Variants in PCDHGB3 observed in about 807,000 individuals in gnomAD.
PCDHGB3 encodes protocadherin gamma subfamily B, 3.
Under a neutral mutation model 59.2 loss-of-function variants are expected in PCDHGB3, and 40 were observed. The observed-to-expected ratio is 0.68, with a 90% confidence interval of 0.52 to 0.88. PCDHGB3 has a LOEUF of 0.88. Among genes scored for constraint, PCDHGB3 ranks in the 40% least tolerant of loss-of-function variants. The pLI is 0.00. For missense variants in PCDHGB3, 1,309 were observed against 1,187.9 expected (o/e 1.10, Z -1.50); for synonymous variants, 581 against 503.6 (o/e 1.15, Z -2.06).
chr5:141,383,038 G>C, intron 1 of PCDHGB3: 1 of 1,613,858 alleles, frequency 6.2e-7, no homozygotes, highest in Non-Finnish European at 8.5e-7. Flanking sequence ...CTTTGTGGGA[G>C]ACATCGCCAA....
intron 1 of PCDHGB3, among the ~76,000 whole-genome samples, chr5:141,480,187 T>TGAGGCCAGCAGTTC (rs2099513839): frequency 6.6e-6 from 1 of 151,380 alleles, no homozygotes; most frequent in Admixed American, 6.6e-5. Context: ...GCGGATTGCT[T>TGAGGCCAGCAGTTC]GAGGCCAGCA....
intron 1 of PCDHGB3, chr5:141,414,562 A>G (rs770740530): frequency 3.1e-6 from 5 of 1,613,924 alleles, no homozygotes; most frequent in Non-Finnish European, 4.2e-6. Context: ...CTCCTACTTT[A>G]CCTATATCCC....
At position 141,486,765 on chromosome 5, in the gene PCDHGB3, T is replaced by C; in HGVS notation, c.2416-8042T>C. On this transcript the variant is annotated intron_variant, in intron 1 of 3. Transcript: ENST00000576222. This position sits in a 1 kb window ranked among gnomAD's most constrained non-coding sequence, Gnocchi z 5.0. ...TTTGACTATGAGCAAACCCAGACACTGCAGTTTGAGGTGCAGGCCCGGGAT... is the reference window on the plus strand; with the variant it reads ...TTTGACTATGAGCAAACCCAGACACCGCAGTTTGAGGTGCAGGCCCGGGAT... 4 of 1,614,230 alleles carry C rather than the reference T, an allele frequency of 2.5e-6. No individual in the cohort carries two copies. Among genetic ancestry groups the C allele is most frequent in the Non-Finnish European group, 3.4e-6 (4 of 1,180,038 alleles).
chr5:141,460,924 A>ATG (rs1333352687), intron 1 of PCDHGB3, among the ~76,000 whole-genome samples: 26 of 150,590 alleles, frequency 1.7e-4, no homozygotes, highest in South Asian at 6.3e-4. Flanking sequence ...ATATATATAT[A>ATG]TGTGTGTGTG....
intron 1 of PCDHGB3, among the ~76,000 whole-genome samples, chr5:141,463,541 C>T (rs1423301726): frequency 2.7e-5 from 4 of 150,402 alleles, no homozygotes; most frequent in East Asian, 2.0e-4. Flanking sequence ...CTCCGGCTCC[C>T]GGGTTCATGC....
At chr5:141,427,100 T>G (rs1270371842) in intron 1 of PCDHGB3, 1 of 458,010 alleles carries the variant, frequency 2.2e-6, no homozygotes, top group Non-Finnish European at 4.4e-6. Flanking sequence ...AGGGTGTCAA[T>G]GCGGAGATCA....
intron 1 of PCDHGB3, among the ~76,000 whole-genome samples, chr5:141,387,106 A>G (rs2090822229): frequency 6.6e-6 from 1 of 152,238 alleles, no homozygotes; most frequent in African/African-American, 2.4e-5. Context: ...GAATCACATA[A>G]TATTCCTGTA....
intron 1 of PCDHGB3, chr5:141,404,187 G>A (rs370199750): frequency 3.1e-6 from 5 of 1,613,124 alleles, no homozygotes; most frequent in African/African-American, 1.3e-5. Context: ...ATTCTTGACC[G>A]AGAAAAAGCC....
intron 1 of PCDHGB3, among the ~76,000 whole-genome samples, chr5:141,455,580 T>C (rs572453788): frequency 6.6e-6 from 1 of 152,142 alleles, no homozygotes; most frequent in East Asian, 1.9e-4. Flanking sequence ...ACCCCAGCCT[T>C]TTAATATGCA....
Position 141,432,632 on chromosome 5 carries a change from G to T in PCDHGB3, c.2415+59823G>T. ...CTTCTCGGTGGGTCTGCACACGGGCGAGGTGCGCACGGCGCGAGCCCTGCT... is the reference window on the plus strand; with the variant it reads ...CTTCTCGGTGGGTCTGCACACGGGCTAGGTGCGCACGGCGCGAGCCCTGCT... On this transcript the variant is annotated intron_variant, in intron 1 of 3. Transcript: ENST00000576222. This position sits in a 1 kb window ranked among gnomAD's most constrained non-coding sequence, Gnocchi z 6.0. The T allele has an allele frequency of 6.2e-7, 1 of 1,612,834 alleles. No homozygotes were observed. Among genetic ancestry groups the T allele is most frequent in the South Asian group, 1.1e-5 (1 of 90,976 alleles).
At chr5:141,394,592 G>T (rs754585576) in intron 1 of PCDHGB3, 1 of 1,613,760 alleles carries the variant, frequency 6.2e-7, no homozygotes, top group Non-Finnish European at 8.5e-7. Flanking sequence ...AGGTGGTGGC[G>T]GTGGACAGAG....
chr5:141,419,386 G>A (rs2096372901), intron 1 of PCDHGB3: 1 of 1,613,650 alleles, frequency 6.2e-7, no homozygotes, highest in Non-Finnish European at 8.5e-7. Context: ...CCGTGAGCGC[G>A]CAGAGCGGGG....
At chr5:141,420,215 A>G in intron 1 of PCDHGB3, 2 of 1,612,096 alleles carry the variant, frequency 1.2e-6, no homozygotes, top group South Asian at 1.1e-5. Context: ...CAAAGATAGC[A>G]TGCTACTGGC....
intron 1 of PCDHGB3, chr5:141,417,639 C>G: frequency 1.3e-6 from 1 of 745,670 alleles, no homozygotes; most frequent in Non-Finnish European, 2.1e-6. Flanking sequence ...CGCCGGGGAT[C>G]CCTCAGCCTC....
At chr5:141,495,499 C>T (rs918858395) in intron 2 of PCDHGB3, among the ~76,000 whole-genome samples, 13 of 152,162 alleles carry the variant, frequency 8.5e-5, no homozygotes, top group African/African-American at 2.9e-4. Context: ...CTTGAGTTTC[C>T]GTCTTTGCCA....
chr5:141,371,949 G>A lies in PCDHGB3; in HGVS notation c.1555G>A (p.Ala519Thr), dbSNP rs376332279. ...GAGCGGGGTGGTGTTCGCGCAGCGA[G>A]CCTTCGACCACGAGCAGCTGCGTGC... is the stretch of plus-strand genomic sequence containing the variant. ...ARSGVVFAQR[A>T]FDHEQLRAFE... The change falls in exon 1 of 4, where the codon GCC becomes ACC. Residue 519 changes from alanine to threonine, a missense_variant. Ala to Thr is a moderately conservative substitution (Grantham distance 58). Coordinates refer to ENST00000576222, the MANE Select transcript of PCDHGB3 (RefSeq NM_018924.5). 4.6e-5 allele frequency: 74 copies of A among 1,613,184 alleles called. No homozygotes were observed. The African/African-American group carries it at 9.1e-4, about 20-fold the overall frequency.
Position 141,489,417 on chromosome 5 carries a change from G to A in PCDHGB3, c.2416-5390G>A, listed in dbSNP as rs1020232739. On this transcript the variant is annotated intron_variant, in intron 1 of 3. Coordinates refer to ENST00000576222, the MANE Select transcript of PCDHGB3 (RefSeq NM_018924.5). This position sits in a 1 kb window ranked among gnomAD's most constrained non-coding sequence, Gnocchi z 4.5. ...ATCTGGGCTTAAAGATGACAGATCT[G>A]TTGAGCCGGCGGCTGCAATTGGGCT... The A allele has an allele frequency of 1.2e-6, 2 of 1,614,172 alleles. No individual in the cohort carries two copies. The highest frequency in any genetic ancestry group is 3.3e-5 in the Admixed American group (2 of 60,030).
At position 141,431,303 on chromosome 5, in the gene PCDHGB3, G is replaced by T. The variant is rs777784010; in HGVS notation, c.2415+58494G>T. The T allele has an allele frequency of 1.2e-6, 2 of 1,614,060 alleles. No homozygotes were observed. Among genetic ancestry groups the T allele is most frequent in the Non-Finnish European group, 1.7e-6 (2 of 1,180,038 alleles). On this transcript the variant is annotated intron_variant, in intron 1 of 3. Coordinates refer to ENST00000576222, the MANE Select transcript of PCDHGB3 (RefSeq NM_018924.5). The surrounding 1 kb of genome is among the most constrained non-coding windows in gnomAD (Gnocchi z 4.8). ...CCCGAACACTCACTTCTCCCTCATC[G>T]TGCAAAATGGAGCCGACGGTAGTAA...
At chr5:141,384,753 G>T (rs114533608) in intron 1 of PCDHGB3, 2 of 1,614,010 alleles carry the variant, frequency 1.2e-6, no homozygotes, top group African/African-American at 1.3e-5. Flanking sequence ...GACTCTTTGC[G>T]GTTGGGCTGT....
Sources: allele counts gnomAD v4.1 joint callset (sites outside exome capture counted in the v4.1 genomes callset), GRCh38; gene constraint gnomAD v4.1.1; non-coding constraint Gnocchi (gnomAD v3.1); transcripts MANE v1.5; gene names NCBI Gene and HGNC (gene_info 2026-07-23, HGNC 2026-07-21).